Variants in LINGO2 observed in about 807,000 individuals in gnomAD.
The protein encoded by LINGO2 is leucine-rich repeat and immunoglobulin-like domain-containing nogo receptor-interacting protein 2.
Under a neutral mutation model 30.6 loss-of-function variants are expected in LINGO2, and 14 were observed. That is an observed-to-expected ratio of 0.46 (90% CI 0.30 to 0.72). The LOEUF is 0.72. Among genes scored for constraint, LINGO2 ranks in the 30% least tolerant of loss-of-function variants. The pLI is 0.07. For missense variants in LINGO2, 729 were observed against 751.7 expected, an observed-to-expected ratio of 0.97 and a Z score of 0.35; for synonymous variants, 317 against 288.5, an observed-to-expected ratio of 1.10 and a Z score of -1.00.
chr9:28,805,834 A>G, the LINGO2 span, among the ~76,000 whole-genome samples: 1 of 152,236 alleles, frequency 6.6e-6, no homozygotes, highest in East Asian at 1.9e-4. Flanking sequence ...GTCAGTATGC[A>G]TGGGTTTTGG....
chr9:28,774,983 A>C, the LINGO2 span, among the ~76,000 whole-genome samples: 1 of 126,370 alleles, frequency 7.9e-6, no homozygotes, highest in Non-Finnish European at 1.7e-5. Context: ...TTGTTTGTCA[A>C]AGCTTTGCTT....
chr9:28,258,507 C>G (rs1822455884), intron 4 of LINGO2, among the ~76,000 whole-genome samples: 1 of 151,932 alleles, frequency 6.6e-6, no homozygotes, highest in Non-Finnish European at 1.5e-5. Context: ...AAAACACACA[C>G]ACACCCCACA....
chr9:28,156,044 A>G lies in LINGO2; in HGVS notation c.-87+139164T>C, dbSNP rs532400734. Among the ~76,000 whole-genome samples, 33 of 152,298 alleles carry G rather than the reference A, an allele frequency of 2.2e-4. 1 individual carries two copies. Among genetic ancestry groups the G allele is most frequent in the East Asian group, 3.9e-4 (2 of 5,184 alleles). On this transcript the variant is annotated intron_variant, in intron 4 of 5. Transcript: ENST00000379992. ...AAACAAACCAAGACAACTTGTTACT[A>G]CTGATTTTAATCCTTTCTTTTTAAT...
chr9:28,937,477 G>A, the LINGO2 span, among the ~76,000 whole-genome samples: 1 of 152,184 alleles, frequency 6.6e-6, no homozygotes, highest in African/African-American at 2.4e-5. Flanking sequence ...AACCTAGAAA[G>A]GCAAATTCTG....
the LINGO2 span, among the ~76,000 whole-genome samples, chr9:28,998,461 G>C: frequency 1.8e-4 from 27 of 151,930 alleles, no homozygotes; most frequent in African/African-American, 6.3e-4. Context: ...TGATCTATCT[G>C]GAATGCAACC....
rs200187810 is a variant in LINGO2 at position 28,028,831 on chromosome 9, CAT to C, written c.-86-16428_-86-16427del. On this transcript the variant is annotated intron_variant, in intron 4 of 5. Coordinates refer to ENST00000379992, the Ensembl canonical transcript of LINGO2. ...ACAGATATGGAGGGCTGCCTACACT[CAT>C]ATAGGGAAAGCATATATATAAGTAT... 1.9e-3 allele frequency among the ~76,000 whole-genome samples: 285 copies of C among 152,198 alleles called. 2 individuals are homozygous for C. Among genetic ancestry groups the C allele is most frequent in the Middle Eastern group, 0.014 (4 of 294 alleles).
chr9:28,432,106 T>C (rs890252010), intron 2 of LINGO2, among the ~76,000 whole-genome samples: 2 of 152,134 alleles, frequency 1.3e-5, no homozygotes, highest in African/African-American at 4.8e-5. Context: ...TGTAGGGTCA[T>C]ACGAAAAGAG....
the LINGO2 span, among the ~76,000 whole-genome samples, chr9:28,896,022 C>A: frequency 6.6e-6 from 1 of 151,980 alleles, no homozygotes; most frequent in Non-Finnish European, 1.5e-5. Flanking sequence ...ATTAAGCGTT[C>A]AGAATGCCAA....
chr9:28,238,210 T>C (rs1017522552), intron 4 of LINGO2, among the ~76,000 whole-genome samples: 1 of 152,062 alleles, frequency 6.6e-6, no homozygotes, highest in African/African-American at 2.4e-5. Context: ...CACCCCACTT[T>C]AAACATTGGA....
chr9:28,886,656 C>T, the LINGO2 span, among the ~76,000 whole-genome samples: 2 of 151,942 alleles, frequency 1.3e-5, no homozygotes, highest in Non-Finnish European at 2.9e-5. Context: ...TTTGATTTCC[C>T]GCTTTTACAG....
chr9:28,581,033 C>T (rs1274845265), intron 1 of LINGO2, among the ~76,000 whole-genome samples: 1 of 151,994 alleles, frequency 6.6e-6, no homozygotes, highest in East Asian at 1.9e-4. Context: ...AACATAGTTT[C>T]TCCCTTCTTA....
the LINGO2 span, among the ~76,000 whole-genome samples, chr9:29,193,922 C>T: frequency 1.3e-5 from 2 of 152,138 alleles, no homozygotes; most frequent in African/African-American, 2.4e-5. Flanking sequence ...TTGTGGGGAC[C>T]ATCCCAGAAA....
At chr9:28,335,652 C>T (rs763586851) in intron 3 of LINGO2, among the ~76,000 whole-genome samples, 3 of 152,140 alleles carry the variant, frequency 2.0e-5, no homozygotes, top group Non-Finnish European at 4.4e-5. Flanking sequence ...ATAGAAACAA[C>T]ATATGCCAAC....
At chr9:28,175,354 C>G (rs895046783) in intron 4 of LINGO2, among the ~76,000 whole-genome samples, 1 of 152,138 alleles carries the variant, frequency 6.6e-6, no homozygotes, top group African/African-American at 2.4e-5. Flanking sequence ...GACCGCAACT[C>G]TCTCCAGAGA....
At chr9:28,950,462 C>T in the LINGO2 span, among the ~76,000 whole-genome samples, 24,985 of 152,006 alleles carry the variant, frequency 0.16, 2,085 homozygotes, top group South Asian at 0.2. Context: ...ATTGTCTCTG[C>T]TTGCAAATGA....
chr9:28,747,688 A>G, the LINGO2 span, among the ~76,000 whole-genome samples: 1,432 of 152,218 alleles, frequency 9.4e-3, 37 homozygotes, highest in African/African-American at 0.032. Context: ...CCCCTGTTGC[A>G]CATCCTGTGA....
At chr9:28,848,746 G>C in the LINGO2 span, among the ~76,000 whole-genome samples, 1 of 151,460 alleles carries the variant, frequency 6.6e-6, no homozygotes, top group East Asian at 1.9e-4. Context: ...AAAAGAAATG[G>C]GCATGTGGAA....
At chr9:28,898,945 T>C in the LINGO2 span, among the ~76,000 whole-genome samples, 1 of 152,136 alleles carries the variant, frequency 6.6e-6, no homozygotes, top group African/African-American at 2.4e-5. Flanking sequence ...AAAAAATCCC[T>C]ACACTTAAAT....
intron 1 of LINGO2, among the ~76,000 whole-genome samples, chr9:28,636,593 C>T (rs1827286990): frequency 6.6e-6 from 1 of 152,170 alleles, no homozygotes; most frequent in African/African-American, 2.4e-5. Flanking sequence ...AGCATATTTT[C>T]ATTGTGTCTG....
Sources: allele counts gnomAD v4.1 joint callset (sites outside exome capture counted in the v4.1 genomes callset), GRCh38; gene constraint gnomAD v4.1.1; transcripts MANE v1.5; gene names NCBI Gene and HGNC (gene_info 2026-07-23, HGNC 2026-07-21).